Variants in FUT8 observed in about 807,000 individuals in gnomAD.
The protein encoded by FUT8 is fucosyltransferase 8, also known as alpha-(1,6)-fucosyltransferase.
In FUT8, 29 loss-of-function variants were observed where a neutral mutation model predicts 71.3. The ratio of observed to expected loss-of-function variants is 0.41; its 90% confidence interval spans 0.30 to 0.55. The LOEUF is 0.55. Ranked by LOEUF, FUT8 falls within the 20% of genes least tolerant of loss-of-function variation. The pLI is 0.34. For synonymous variants in FUT8, 254 were observed against 239.3 expected (o/e 1.06, Z -0.57); for missense variants, 544 against 702.1 (o/e 0.77, Z 2.55).
intron 2 of FUT8, among the ~76,000 whole-genome samples, chr14:65,476,090 G>C (rs2066234818): frequency 6.6e-6 from 1 of 152,034 alleles, no homozygotes; most frequent in Non-Finnish European, 1.5e-5. Context: ...ATAAGTCAAG[G>C]GTAAGAGATG....
At chr14:65,385,068 T>A in the FUT8 span, among the ~76,000 whole-genome samples, 8 of 151,764 alleles carry the variant, frequency 5.3e-5, no homozygotes, top group South Asian at 2.1e-4. Flanking sequence ...ATTTTTTTTT[T>A]ATGTATTTTT....
intron 2 of FUT8, among the ~76,000 whole-genome samples, chr14:65,519,270 G>C (rs1160538214): frequency 6.6e-6 from 1 of 152,106 alleles, no homozygotes; most frequent in Non-Finnish European, 1.5e-5. Flanking sequence ...GTCGGTTATG[G>C]TAATACATAG....
intron 3 of FUT8, among the ~76,000 whole-genome samples, chr14:65,566,561 G>C (rs1352664598): frequency 6.6e-6 from 1 of 151,952 alleles, no homozygotes; most frequent in Non-Finnish European, 1.5e-5. Flanking sequence ...AAATGGTTGA[G>C]GAAGATTTAG....
intron 7 of FUT8, among the ~76,000 whole-genome samples, chr14:65,686,010 T>C (rs1893271151): frequency 6.6e-6 from 1 of 152,172 alleles, no homozygotes; most frequent in Non-Finnish European, 1.5e-5. Flanking sequence ...TGCAGCCCAG[T>C]AGGTCTTAGC....
chr14:65,697,485 A>G (rs1894051779), intron 7 of FUT8, among the ~76,000 whole-genome samples: 2 of 152,174 alleles, frequency 1.3e-5, no homozygotes, highest in African/African-American at 4.8e-5. Flanking sequence ...ATAAAACTCC[A>G]GTAGATTAAG....
At chr14:65,692,544 G>A (rs1308855820) in intron 7 of FUT8, among the ~76,000 whole-genome samples, 2 of 145,050 alleles carry the variant, frequency 1.4e-5, no homozygotes, top group African/African-American at 5.1e-5. Context: ...GGGGCGGCTG[G>A]CCGGGAGGGG....
intron 3 of FUT8, among the ~76,000 whole-genome samples, chr14:65,578,935 CG>C (rs1886934758): frequency 6.6e-6 from 1 of 151,812 alleles, no homozygotes; most frequent in Non-Finnish European, 1.5e-5. Flanking sequence ...TGTTGCTTGG[CG>C]GGGGTATTTT....
At chr14:65,396,859 G>C in the FUT8 span, among the ~76,000 whole-genome samples, 1 of 152,158 alleles carries the variant, frequency 6.6e-6, no homozygotes, top group Non-Finnish European at 1.5e-5. This position sits in a 1 kb window ranked among gnomAD's most constrained non-coding sequence, Gnocchi z 5.5. Context: ...TTAAGAGATG[G>C]AGTCTTGCTA....
intron 3 of FUT8, among the ~76,000 whole-genome samples, chr14:65,611,556 C>T (rs554654549): frequency 6.6e-6 from 1 of 152,058 alleles, no homozygotes; most frequent in South Asian, 2.1e-4. Flanking sequence ...GTAGACGCTA[C>T]AATATATAAT....
At position 65,413,423 on chromosome 14, in the gene FUT8, G is replaced by C. The variant is rs2065169191; in HGVS notation, c.-326+209G>C. 6.6e-6 allele frequency among the ~76,000 whole-genome samples: 1 copy of C among 152,156 alleles called. No individual in the cohort carries two copies. The highest frequency in any genetic ancestry group is 2.4e-5 in the African/African-American group (1 of 41,438). On this transcript the variant is annotated intron_variant, in intron 1 of 10. Transcript: ENST00000673929. The surrounding 1 kb of genome is among the most constrained non-coding windows in gnomAD (Gnocchi z 4.1). Reference sequence around the variant, plus strand: ...GATGCCTTGGCGCAGCCCCGGGGGCGCGGGCAGAGGGTGAGGGGCGCCCGC... The same window carrying C: ...GATGCCTTGGCGCAGCCCCGGGGGCCCGGGCAGAGGGTGAGGGGCGCCCGC...
intron 1 of FUT8, among the ~76,000 whole-genome samples, chr14:65,453,657 G>T (rs1408114154): frequency 6.6e-6 from 1 of 152,172 alleles, no homozygotes; most frequent in Non-Finnish European, 1.5e-5. Context: ...TGGCTGGATG[G>T]AACTCAGATG....
intron 9 of FUT8, among the ~76,000 whole-genome samples, chr14:65,725,757 A>G (rs1224084268): frequency 6.6e-6 from 1 of 152,248 alleles, no homozygotes; most frequent in African/African-American, 2.4e-5. Context: ...GAAAACATTA[A>G]CACTTAATCA....
At chr14:65,450,077 T>C (rs2065799358) in intron 1 of FUT8, among the ~76,000 whole-genome samples, 1 of 152,204 alleles carries the variant, frequency 6.6e-6, no homozygotes, top group Admixed American at 6.5e-5. Context: ...TGTGTGCATA[T>C]GTATGCATGT....
rs1889934863 is a variant in FUT8 at position 65,627,120 on chromosome 14, A to G, written c.483-2372A>G. ...TCCACATGCTGATTTTAAATAACAA[A>G]AAACAAAAAAATAAAAGAAGCAACC... On this transcript the variant is annotated intron_variant, in intron 5 of 10. Coordinates refer to ENST00000673929, the MANE Select transcript of FUT8 (RefSeq NM_001371533.1). The surrounding 1 kb of genome is among the most constrained non-coding windows in gnomAD (Gnocchi z 4.0). Among the ~76,000 whole-genome samples the G allele has an allele frequency of 6.6e-6, 1 of 152,234 alleles. No individual in the cohort carries two copies. Among genetic ancestry groups the G allele is most frequent in the South Asian group, 2.1e-4 (1 of 4,832 alleles).
At chr14:65,562,421 T>C (rs142411661) in intron 3 of FUT8, among the ~76,000 whole-genome samples, 2,135 of 152,220 alleles carry the variant, frequency 0.014, 20 homozygotes, top group Admixed American at 0.029. Flanking sequence ...ATGATTATCA[T>C]TGCTATTTCT....
At chr14:65,411,552 G>A (rs1470366897), upstream of FUT8, 1 of 171,550 alleles carries the variant, frequency 5.8e-6, no homozygotes, top group African/African-American at 2.4e-5. Flanking sequence ...AACCTTGACA[G>A]GCCACTGCCT....
At chr14:65,553,364 CAT>C (rs1885399040) in intron 2 of FUT8, among the ~76,000 whole-genome samples, 2 of 151,994 alleles carry the variant, frequency 1.3e-5, no homozygotes, top group South Asian at 4.1e-4. Flanking sequence ...AATATTCTGT[CAT>C]ATGTTTTACA....
chr14:65,646,688 G>C (rs1471905378), intron 6 of FUT8: 1 of 150,860 alleles, frequency 6.6e-6, no homozygotes, highest in Non-Finnish European at 1.5e-5. Flanking sequence ...TTTGGTCTCT[G>C]TTCAGTAACC....
chr14:65,395,005 G>C, the FUT8 span, among the ~76,000 whole-genome samples: 1 of 152,266 alleles, frequency 6.6e-6, no homozygotes, highest in African/African-American at 2.4e-5. Context: ...GCCTCCCAGA[G>C]TGCTGGGATT....
Sources: allele counts gnomAD v4.1 joint callset (sites outside exome capture counted in the v4.1 genomes callset), GRCh38; gene constraint gnomAD v4.1.1; non-coding constraint Gnocchi (gnomAD v3.1); transcripts MANE v1.5; gene names NCBI Gene and HGNC (gene_info 2026-07-23, HGNC 2026-07-21).